PRKN: variants seen among roughly 807,000 people sequenced by gnomAD.
PRKN encodes parkin RBR E3 ubiquitin protein ligase.
PRKN carries 56 observed loss-of-function variants against 59.5 expected under a neutral mutation model. The observed-to-expected ratio is 0.94, with a 90% CI of 0.76 to 1.18. The LOEUF (loss-of-function observed/expected upper bound fraction) is 1.18. Among genes scored for constraint, PRKN ranks in the 50% most tolerant of loss-of-function variants. The pLI is 0.00. For synonymous variants in PRKN, 250 were observed against 222.1 expected, an observed-to-expected ratio of 1.13 and a Z score of -1.12; for missense variants, 657 against 596.4, an observed-to-expected ratio of 1.10 and a Z score of -1.06.
At chr6:162,099,913 C>T (rs969345688) in intron 4 of PRKN, among the ~76,000 whole-genome samples, 2 of 152,212 alleles carry the variant, frequency 1.3e-5, no homozygotes, top group African/African-American at 4.8e-5. Flanking sequence ...GTGACCAACA[C>T]CTCCCCGCCC....
intron 6 of PRKN, among the ~76,000 whole-genome samples, chr6:161,958,073 T>C (rs1780247986): frequency 6.6e-6 from 1 of 152,204 alleles, no homozygotes; most frequent in African/African-American, 2.4e-5. Flanking sequence ...GACAACAAAA[T>C]GCAATTCCAC....
At chr6:162,641,468 G>A (rs1777955823) in intron 1 of PRKN, among the ~76,000 whole-genome samples, 1 of 151,932 alleles carries the variant, frequency 6.6e-6, no homozygotes, top group Non-Finnish European at 1.5e-5. Context: ...ACAGTATCTG[G>A]TTACCTATTT....
At position 161,414,419 on chromosome 6, in the gene PRKN, C is replaced by T. The variant is rs1367971722; in HGVS notation, c.1084-27542G>A. ...GGTTTCTGCCTGAGACAGTCCTTGGCCTCCAGCCACGGCTTCCGTGCCATG... is the reference window on the plus strand; with the variant it reads ...GGTTTCTGCCTGAGACAGTCCTTGGTCTCCAGCCACGGCTTCCGTGCCATG... On this transcript the variant is annotated intron_variant, in intron 9 of 11. Coordinates refer to ENST00000366898, the MANE Select transcript of PRKN (RefSeq NM_004562.3). This position sits in a 1 kb window ranked among gnomAD's most constrained non-coding sequence, Gnocchi z 5.3. Among the ~76,000 whole-genome samples, 1 of 152,228 alleles carries T rather than the reference C, an allele frequency of 6.6e-6. No individual in the cohort carries two copies. Among genetic ancestry groups the T allele is most frequent in the East Asian group, 1.9e-4 (1 of 5,200 alleles).
intron 2 of PRKN, among the ~76,000 whole-genome samples, chr6:162,371,649 A>G (rs907250111): frequency 3.3e-5 from 5 of 152,230 alleles, no homozygotes; most frequent in African/African-American, 9.6e-5. Context: ...GATAAAACTT[A>G]GCGATTATTA....
Position 161,349,430 on chromosome 6 carries a change from G to A in PRKN, c.*669C>T. The A allele has an allele frequency of 8.6e-6, 2 of 231,932 alleles. No individual in the cohort carries two copies. Among genetic ancestry groups the A allele is most frequent in the Non-Finnish European group, 1.7e-5 (2 of 117,286 alleles). 14.4% of individuals were successfully genotyped at this position (231,932 alleles called of 1,614,324 possible). On this transcript the variant is annotated 3_prime_UTR_variant, in exon 12 of 12. Coordinates refer to ENST00000366898, the MANE Select transcript of PRKN (RefSeq NM_004562.3). The surrounding 1 kb of genome is among the most constrained non-coding windows in gnomAD (Gnocchi z 5.5). Reference sequence around the variant, plus strand: ...ATTAACTTTCATAATTTCTCACTTTGTGACAAGTTGATTTACGCATAGTTG... The same window carrying A: ...ATTAACTTTCATAATTTCTCACTTTATGACAAGTTGATTTACGCATAGTTG...
chr6:162,104,953 T>C (rs1284144044), intron 4 of PRKN, among the ~76,000 whole-genome samples: 1 of 152,238 alleles, frequency 6.6e-6, no homozygotes, highest in African/African-American at 2.4e-5. Context: ...TAGTTCTCCA[T>C]GCTGGCTACA....
At chr6:162,298,834 G>C (rs771873534) in intron 2 of PRKN, among the ~76,000 whole-genome samples, 25 of 152,144 alleles carry the variant, frequency 1.6e-4, no homozygotes, top group Non-Finnish European at 2.6e-4. Flanking sequence ...CCAGGGCTGA[G>C]CCAGGTGGAG....
chr6:161,528,549 T>C (rs1035004324), intron 9 of PRKN, among the ~76,000 whole-genome samples: 2 of 152,176 alleles, frequency 1.3e-5, no homozygotes, highest in Non-Finnish European at 2.9e-5. Flanking sequence ...TTCTCAACTG[T>C]GTCCAAGTGG....
rs542094348 is a variant in PRKN at position 162,592,252 on chromosome 6, C to A, written c.7+135410G>T. On this transcript the variant is annotated intron_variant, in intron 1 of 11. Coordinates refer to ENST00000366898, the MANE Select transcript of PRKN (RefSeq NM_004562.3). ...ACCTCAAGTGATTTGCCCGCCTTGG[C>A]CTCCCAAAGATTACAGGTGTGAGCC... Among the ~76,000 whole-genome samples the A allele has an allele frequency of 3.3e-5, 5 of 152,302 alleles. No individual in the cohort carries two copies. The East Asian group carries it at 9.6e-4, about 29-fold the overall frequency.
intron 2 of PRKN, among the ~76,000 whole-genome samples, chr6:162,367,397 T>G (rs759306131): frequency 1.4e-4 from 22 of 152,218 alleles, no homozygotes; most frequent in Non-Finnish European, 2.6e-4. Flanking sequence ...TTTGAAAATG[T>G]GATTTTTAAT....
At chr6:162,682,729 G>T (rs1424374740) in intron 1 of PRKN, among the ~76,000 whole-genome samples, 7 of 151,786 alleles carry the variant, frequency 4.6e-5, no homozygotes, top group Non-Finnish European at 1.0e-4. Flanking sequence ...AAACCAACAT[G>T]CAATTTACCC....
intron 3 of PRKN, among the ~76,000 whole-genome samples, chr6:162,214,120 C>G (rs1388054165): frequency 6.6e-6 from 1 of 152,054 alleles, no homozygotes; most frequent in Non-Finnish European, 1.5e-5. Flanking sequence ...ACACGAACAC[C>G]AAGGTGCCAG....
At chr6:161,733,784 ATATATATATATATGTAT>A (rs1392030273) in intron 7 of PRKN, among the ~76,000 whole-genome samples, 4 of 63,486 alleles carry the variant, frequency 6.3e-5, no homozygotes, top group Non-Finnish European at 1.0e-4. Context: ...AAAAAAAAAA[ATATATATATATATGTAT>A]ATATATATAT....
chr6:162,085,536 A>C (rs6917371), intron 4 of PRKN, among the ~76,000 whole-genome samples: 10,648 of 152,180 alleles, frequency 0.07, 544 homozygotes, highest in African/African-American at 0.12. Context: ...GGACATAAAG[A>C]GCAGATATTT....
At chr6:162,439,443 C>G (rs1028602694) in intron 2 of PRKN, among the ~76,000 whole-genome samples, 3 of 151,262 alleles carry the variant, frequency 2.0e-5, no homozygotes, top group Non-Finnish European at 2.9e-5. Flanking sequence ...TGGTTGCCAG[C>G]TTCTTCAGTT....
At chr6:161,596,632 A>G (rs1229284390) in intron 7 of PRKN, among the ~76,000 whole-genome samples, 1 of 152,140 alleles carries the variant, frequency 6.6e-6, no homozygotes, top group East Asian at 1.9e-4. Context: ...ACACAAAAAA[A>G]GCCTACTAAA....
chr6:162,094,340 C>A lies in PRKN; in HGVS notation c.535-40166G>T, dbSNP rs1013491341. Reference sequence around the variant, plus strand: ...GCCCATCTCTACTAAAAAAGTGAGCCGGGTGTGGTGGCACGCATCTGTGGT... The same window carrying A: ...GCCCATCTCTACTAAAAAAGTGAGCAGGGTGTGGTGGCACGCATCTGTGGT... On this transcript the variant is annotated intron_variant, in intron 4 of 11. Transcript: ENST00000366898. 2.0e-5 allele frequency among the ~76,000 whole-genome samples: 3 copies of A among 151,848 alleles called. No homozygotes were observed. The South Asian group carries it at 6.2e-4, about 32-fold the overall frequency.
At chr6:162,401,216 GA>G (rs1183909838) in intron 2 of PRKN, among the ~76,000 whole-genome samples, 3 of 149,566 alleles carry the variant, frequency 2.0e-5, no homozygotes, top group Admixed American at 6.7e-5. Context: ...AGAATATTAA[GA>G]AAAAAATAGA....
At position 162,001,000 on chromosome 6, in the gene PRKN, T is replaced by C. The variant is rs1782033295; in HGVS notation, c.619-27583A>G. Among the ~76,000 whole-genome samples the C allele has an allele frequency of 2.0e-5, 3 of 152,062 alleles. No individual in the cohort carries two copies. In the South Asian group the frequency reaches 6.2e-4, roughly 31 times the overall value. Reference sequence around the variant, plus strand: ...CTGTCTATTGTGTTCCATTGATCGATTTGTCTATTCTTTTACTATTACCAC... The same window carrying C: ...CTGTCTATTGTGTTCCATTGATCGACTTGTCTATTCTTTTACTATTACCAC... On this transcript the variant is annotated intron_variant, in intron 5 of 11. Transcript: ENST00000366898.
Sources: gnomAD v4.1 joint callset for allele counts (sites outside exome capture counted in the v4.1 genomes callset) on GRCh38, gnomAD v4.1.1 for gene constraint, Gnocchi (gnomAD v3.1) non-coding constraint, MANE v1.5 for transcripts, NCBI Gene and HGNC (gene_info 2026-07-23, HGNC 2026-07-21) for gene names.